Variants in OPCML observed in about 807,000 individuals in gnomAD.
OPCML encodes opioid-binding protein/cell adhesion molecule.
OPCML carries 13 observed loss-of-function variants against 37.8 expected under a neutral mutation model. The observed-to-expected ratio is 0.34, with a 90% CI of 0.22 to 0.55. OPCML has a LOEUF of 0.55. Ranked by LOEUF, OPCML falls within the 20% of genes least tolerant of loss-of-function variation. The probability of loss-of-function intolerance (pLI) is 0.91; values close to 1 mark genes in which losing one functional copy is unlikely to be tolerated. For missense variants in OPCML, 341 were observed against 435.6 expected (o/e 0.78, Z 1.93); for synonymous variants, 176 against 168.8 (o/e 1.04, Z -0.33).
At chr11:132,611,764 A>G (rs1005105098) in intron 3 of OPCML, among the ~76,000 whole-genome samples, 8 of 152,286 alleles carry the variant, frequency 5.3e-5, no homozygotes, top group African/African-American at 1.4e-4. Context: ...ACAAATTCCA[A>G]TGAAAGAAAG....
At chr11:132,777,782 A>G (rs1946858103) in intron 2 of OPCML, among the ~76,000 whole-genome samples, 1 of 152,132 alleles carries the variant, frequency 6.6e-6, no homozygotes, top group Non-Finnish European at 1.5e-5. Flanking sequence ...GAACGACGGA[A>G]TCCTTGTTTG....
In OPCML at chr11:133,452,414, CAT is replaced by C. The variant is rs796724439; in HGVS notation, c.61+79848_61+79849del. Among the ~76,000 whole-genome samples, 13 of 151,026 alleles carry C rather than the reference CAT, an allele frequency of 8.6e-5. No homozygotes were observed. The East Asian group carries it at 2.5e-3, about 29-fold the overall frequency. ...CTATTTTTTTCTTAATTAAAAATAT[CAT>C]ATAAAATTGGTCACTTCAGTGCTAT... On this transcript the variant is annotated intron_variant, in intron 1 of 7. Coordinates refer to ENST00000524381, the MANE Select transcript of OPCML (RefSeq NM_001012393.5).
intron 7 of OPCML, among the ~76,000 whole-genome samples, chr11:132,434,277 G>T (rs1226296175): frequency 6.6e-6 from 1 of 152,192 alleles, no homozygotes; most frequent in East Asian, 1.9e-4. Context: ...TTGAGGAGCT[G>T]ATTTCAGGTC....
intron 1 of OPCML, among the ~76,000 whole-genome samples, chr11:133,179,820 G>A (rs1228585028): frequency 1.3e-5 from 2 of 152,200 alleles, no homozygotes; most frequent in African/African-American, 4.8e-5. Flanking sequence ...CTCCCAAAAA[G>A]TAGGTGAGAA....
chr11:133,469,662 A>C (rs1947060159), intron 1 of OPCML, among the ~76,000 whole-genome samples: 1 of 152,142 alleles, frequency 6.6e-6, no homozygotes, highest in East Asian at 1.9e-4. Context: ...CCTCATCTCT[A>C]AACTTGACCT....
intron 1 of OPCML, among the ~76,000 whole-genome samples, chr11:133,450,364 GC>G (rs1392132021): frequency 2.6e-5 from 4 of 151,400 alleles, no homozygotes; most frequent in South Asian, 2.1e-4. Context: ...TGATCTTCCT[GC>G]CAGCAATCAA....
chr11:133,205,615 T>C lies in OPCML; in HGVS notation c.62-262605A>G, dbSNP rs760661969. Among the ~76,000 whole-genome samples the C allele has an allele frequency of 1.3e-5, 2 of 152,218 alleles. No homozygotes were observed. Among genetic ancestry groups the C allele is most frequent in the Non-Finnish European group, 2.9e-5 (2 of 68,030 alleles). ...GGAGAACGCCCAGTCCTCACGATCA[T>C]TGCTCAGTTGGTGTGTGGGGAAAAA... On this transcript the variant is annotated intron_variant, in intron 1 of 7. Transcript: ENST00000524381. This position sits in a 1 kb window ranked among gnomAD's most constrained non-coding sequence, Gnocchi z 4.8.
rs1404824893 is a variant in OPCML at position 132,816,254 on chromosome 11, G to C, written c.146+126672C>G. ...TTAGGTCAGTTTCTGCTTTGAAACA[G>C]CTTGGCAAACTGTTTTTGTAAAGGG... On this transcript the variant is annotated intron_variant, in intron 2 of 7. Coordinates refer to ENST00000524381, the MANE Select transcript of OPCML (RefSeq NM_001012393.5). Among the ~76,000 whole-genome samples, 4 of 152,122 alleles carry C rather than the reference G, an allele frequency of 2.6e-5. No homozygotes were observed. The East Asian group carries it at 7.7e-4, about 29-fold the overall frequency.
At chr11:133,084,192 C>T (rs993809218) in intron 1 of OPCML, among the ~76,000 whole-genome samples, 1 of 152,086 alleles carries the variant, frequency 6.6e-6, no homozygotes, top group Non-Finnish European at 1.5e-5. Flanking sequence ...GGTAATAGCT[C>T]CTCCAGGAAC....
intron 1 of OPCML, among the ~76,000 whole-genome samples, chr11:133,218,891 C>T (rs191441160): frequency 7.9e-5 from 12 of 152,266 alleles, no homozygotes; most frequent in East Asian, 1.9e-4. Flanking sequence ...GTCATACCAC[C>T]GTAAAACCTG....
intron 1 of OPCML, among the ~76,000 whole-genome samples, chr11:133,181,840 C>T (rs1240126448): frequency 2.0e-5 from 3 of 152,276 alleles, no homozygotes; most frequent in African/African-American, 7.2e-5. Flanking sequence ...GTACTGATCC[C>T]TCCACAGAGT....
At chr11:133,154,134 C>T (rs1950024040) in intron 1 of OPCML, among the ~76,000 whole-genome samples, 1 of 151,850 alleles carries the variant, frequency 6.6e-6, no homozygotes, top group South Asian at 2.1e-4. Context: ...TAGAGGGTCC[C>T]TAGGGGATGT....
intron 4 of OPCML, among the ~76,000 whole-genome samples, chr11:132,441,818 T>C (rs1273020240): frequency 6.6e-6 from 1 of 152,210 alleles, no homozygotes; most frequent in Non-Finnish European, 1.5e-5. Flanking sequence ...TTGCCTCAGA[T>C]GCAGGTTGCA....
At chr11:133,511,651 T>C (rs1391434084) in intron 1 of OPCML, among the ~76,000 whole-genome samples, 1 of 151,944 alleles carries the variant, frequency 6.6e-6, no homozygotes, top group Non-Finnish European at 1.5e-5. Flanking sequence ...CTGGCCTGTT[T>C]GTAATTGCGA....
chr11:133,119,178 A>G (rs533396782), intron 1 of OPCML, among the ~76,000 whole-genome samples: 1 of 152,078 alleles, frequency 6.6e-6, no homozygotes, highest in South Asian at 2.1e-4. Flanking sequence ...GCCTGAGACA[A>G]ACATACTGGC....
chr11:132,831,701 C>A (rs1940701268), intron 2 of OPCML, among the ~76,000 whole-genome samples: 1 of 145,260 alleles, frequency 6.9e-6, no homozygotes, highest in East Asian at 2.2e-4. Flanking sequence ...CATTCAGCAT[C>A]CCCCAACACA....
intron 1 of OPCML, chr11:133,439,505 T>G (rs1172344074): frequency 2.2e-6 from 2 of 922,782 alleles, no homozygotes; most frequent in Non-Finnish European, 2.6e-6. Context: ...TCTCACTCTG[T>G]CGCCCAGGCT....
chr11:133,487,913 AG>A (rs58659263), intron 1 of OPCML, among the ~76,000 whole-genome samples: 36,171 of 151,940 alleles, frequency 0.24, 5,078 homozygotes, highest in African/African-American at 0.37. Context: ...CACATCAAAA[AG>A]ATAATGCACC....
At chr11:133,484,164 GTAGATAGA>G (rs532495992) in intron 1 of OPCML, among the ~76,000 whole-genome samples, 4 of 138,210 alleles carry the variant, frequency 2.9e-5, no homozygotes, top group Admixed American at 7.0e-5. Context: ...AGATAGATAG[GTAGATAGA>G]TAGATAGATA....
Sources: allele counts gnomAD v4.1 joint callset (sites outside exome capture counted in the v4.1 genomes callset), GRCh38; gene constraint gnomAD v4.1.1; non-coding constraint Gnocchi (gnomAD v3.1); transcripts MANE v1.5; gene names NCBI Gene and HGNC (gene_info 2026-07-23, HGNC 2026-07-21).